The following NSMCE2 variants were observed in gnomAD, a reference collection of about 807,000 sequenced individuals.
NSMCE2 encodes the protein NSE2 SUMO ligase component of SMC5/6 complex, also known as E3 SUMO-protein ligase NSE2.
In NSMCE2, 24 loss-of-function variants were observed where a neutral mutation model predicts 23.8. The ratio of observed to expected loss-of-function variants is 1.01; its 90% CI spans 0.73 to 1.42. NSMCE2 has a LOEUF of 1.42. NSMCE2 is among the 40% of genes most tolerant of loss of function. The pLI is 0.00. For missense variants in NSMCE2, 284 were observed against 296.5 expected (o/e 0.96, Z 0.31); for synonymous variants, 92 against 94.1 (o/e 0.98, Z 0.13).
At chr8:125,333,056 C>T (rs1218862106) in intron 5 of NSMCE2, among the ~76,000 whole-genome samples, 2 of 152,146 alleles carry the variant, frequency 1.3e-5, no homozygotes, top group Non-Finnish European at 2.9e-5. Context: ...CAGTGAGCTT[C>T]GTTCCAAAAT....
At chr8:125,235,914 A>G (rs774826132) in intron 5 of NSMCE2, among the ~76,000 whole-genome samples, 33 of 152,230 alleles carry the variant, frequency 2.2e-4, no homozygotes, top group Admixed American at 1.3e-4. Context: ...CCTAGTAGGT[A>G]AGAGTCCACA....
chr8:125,250,137 G>A (rs1485575663), intron 5 of NSMCE2, among the ~76,000 whole-genome samples: 1 of 152,066 alleles, frequency 6.6e-6, no homozygotes, highest in Non-Finnish European at 1.5e-5. Flanking sequence ...CTACAGTCAT[G>A]CACCACCATG....
chr8:125,299,913 G>A (rs887526612), intron 5 of NSMCE2, among the ~76,000 whole-genome samples: 7 of 135,652 alleles, frequency 5.2e-5, no homozygotes. Flanking sequence ...CCACCTCCCT[G>A]GTTGAAGTGA....
At chr8:125,117,256 C>T (rs553877525) in intron 3 of NSMCE2, among the ~76,000 whole-genome samples, 4 of 152,046 alleles carry the variant, frequency 2.6e-5, no homozygotes, top group African/African-American at 9.6e-5. Flanking sequence ...GAGTCTTGCT[C>T]TGTCACCCAG....
chr8:125,277,441 A>C (rs1308419277), intron 5 of NSMCE2, among the ~76,000 whole-genome samples: 3 of 152,204 alleles, frequency 2.0e-5, no homozygotes, highest in African/African-American at 7.2e-5. Context: ...AAAACACAAA[A>C]AGGCACAGGA....
At chr8:125,169,717 A>T (rs1442006565) in intron 4 of NSMCE2, among the ~76,000 whole-genome samples, 1 of 142,710 alleles carries the variant, frequency 7.0e-6, no homozygotes, top group Non-Finnish European at 1.5e-5. Context: ...AGATCTTTCT[A>T]AAGTGAACAT....
intron 5 of NSMCE2, among the ~76,000 whole-genome samples, chr8:125,246,120 T>C (rs1825951647): frequency 6.6e-6 from 1 of 151,750 alleles, no homozygotes; most frequent in South Asian, 2.1e-4. Flanking sequence ...TTTTTAACTC[T>C]GTGACAATTC....
At chr8:125,116,098 G>T (rs1818994600) in intron 3 of NSMCE2, among the ~76,000 whole-genome samples, 1 of 152,158 alleles carries the variant, frequency 6.6e-6, no homozygotes, top group Non-Finnish European at 1.5e-5. Flanking sequence ...TCCTCTTTCT[G>T]CTAACCATGG....
At chr8:125,097,573 C>T (rs1817998043) in intron 1 of NSMCE2, among the ~76,000 whole-genome samples, 1 of 152,154 alleles carries the variant, frequency 6.6e-6, no homozygotes, top group African/African-American at 2.4e-5. Flanking sequence ...GCTTAAGTGC[C>T]TTCATTTCCG....
intron 5 of NSMCE2, among the ~76,000 whole-genome samples, chr8:125,347,028 A>G (rs1812789530): frequency 6.6e-6 from 1 of 152,234 alleles, no homozygotes. Context: ...GTGGAAGCAG[A>G]CAGAAAAAAA....
intron 7 of NSMCE2, among the ~76,000 whole-genome samples, chr8:125,360,431 A>G (rs552687313): frequency 6.6e-6 from 1 of 152,338 alleles, no homozygotes; most frequent in African/African-American, 2.4e-5. Flanking sequence ...TGTGATCTCC[A>G]CAAGGCCAGA....
intron 5 of NSMCE2, among the ~76,000 whole-genome samples, chr8:125,349,974 G>A (rs1033622186): frequency 9.9e-5 from 15 of 152,198 alleles, no homozygotes; most frequent in African/African-American, 3.1e-4. Flanking sequence ...GTGTTGCCAC[G>A]TCTGCTAAAT....
intron 5 of NSMCE2, among the ~76,000 whole-genome samples, chr8:125,240,295 T>C (rs1241720572): frequency 6.6e-6 from 1 of 152,188 alleles, no homozygotes; most frequent in East Asian, 1.9e-4. Flanking sequence ...TGGCTAATTT[T>C]TGTGTTTTTA....
chr8:125,170,697 C>T (rs957771126), intron 4 of NSMCE2, among the ~76,000 whole-genome samples: 4 of 152,018 alleles, frequency 2.6e-5, no homozygotes, highest in Non-Finnish European at 4.4e-5. Flanking sequence ...CGTGAGCCAC[C>T]GCACCCAGCC....
At chr8:125,354,557 GA>G (rs1284150860) in intron 5 of NSMCE2, among the ~76,000 whole-genome samples, 6 of 152,172 alleles carry the variant, frequency 3.9e-5, no homozygotes, top group African/African-American at 1.4e-4. Flanking sequence ...TTAGCTCTCT[GA>G]AAAGCTGGAA....
At chr8:125,344,358 T>G (rs1258792112) in intron 5 of NSMCE2, among the ~76,000 whole-genome samples, 3 of 152,210 alleles carry the variant, frequency 2.0e-5, no homozygotes, top group Non-Finnish European at 4.4e-5. Flanking sequence ...CTACTCCTAG[T>G]GCAAATATGC....
intron 3 of NSMCE2, among the ~76,000 whole-genome samples, chr8:125,140,971 G>A (rs747237342): frequency 8.5e-5 from 13 of 152,160 alleles, no homozygotes; most frequent in African/African-American, 2.7e-4. Context: ...ACACCTGGCC[G>A]TGAAGATTTG....
intron 3 of NSMCE2, among the ~76,000 whole-genome samples, chr8:125,123,123 T>C (rs1819348606): frequency 6.6e-6 from 1 of 152,170 alleles, no homozygotes; most frequent in Non-Finnish European, 1.5e-5. Flanking sequence ...CTTGCAAATA[T>C]ATATATATAT....
chr8:125,290,950 C>G (rs886328708), intron 5 of NSMCE2, among the ~76,000 whole-genome samples: 4 of 152,170 alleles, frequency 2.6e-5, no homozygotes, highest in Non-Finnish European at 2.9e-5. Flanking sequence ...TCTCTAGTAC[C>G]TAGCAGTGCC....
Sources: allele counts gnomAD v4.1 joint callset (sites outside exome capture counted in the v4.1 genomes callset), GRCh38; gene constraint gnomAD v4.1.1; transcripts MANE v1.5; gene names NCBI Gene and HGNC (gene_info 2026-07-23, HGNC 2026-07-21).